TRABD2B: variants seen among roughly 807,000 people sequenced by gnomAD.
TRABD2B encodes metalloprotease TIKI2.
In TRABD2B, 14 loss-of-function variants were observed where a neutral mutation model predicts 40.1. The observed-to-expected ratio is 0.35, with a 90% CI of 0.23 to 0.55. TRABD2B has a LOEUF of 0.55. Among genes scored for constraint, TRABD2B ranks in the 20% least tolerant of loss-of-function variants. The pLI, the probability that TRABD2B is intolerant of heterozygous loss-of-function variation, is 0.90. For synonymous variants in TRABD2B, 263 were observed against 277.0 expected, an observed-to-expected ratio of 0.95 and a Z score of 0.50; for missense variants, 541 against 648.6, an observed-to-expected ratio of 0.83 and a Z score of 1.80.
intron 2 of TRABD2B, among the ~76,000 whole-genome samples, chr1:47,893,532 C>A (rs1040640810): frequency 1.3e-5 from 2 of 152,230 alleles, no homozygotes; most frequent in African/African-American, 4.8e-5. Flanking sequence ...TTAGCCCAGG[C>A]TGGTGTAGGT....
chr1:47,872,413 G>C (rs556296746), intron 2 of TRABD2B, among the ~76,000 whole-genome samples: 9 of 152,294 alleles, frequency 5.9e-5, no homozygotes, highest in Non-Finnish European at 1.2e-4. Flanking sequence ...TTAATGAATG[G>C]AGGAATGGAT....
intron 2 of TRABD2B, among the ~76,000 whole-genome samples, chr1:47,887,758 G>A (rs1644390016): frequency 6.6e-6 from 1 of 152,140 alleles, no homozygotes; most frequent in African/African-American, 2.4e-5. Context: ...TGTAAATCAG[G>A]AGAGGACGGG....
intron 2 of TRABD2B, among the ~76,000 whole-genome samples, chr1:47,972,623 C>T (rs1043866622): frequency 1.3e-5 from 2 of 152,186 alleles, no homozygotes; most frequent in Non-Finnish European, 2.9e-5. Context: ...GGCTTCCTGA[C>T]CTCAGACTTC....
At chr1:47,857,754 T>C (rs894914407) in intron 2 of TRABD2B, among the ~76,000 whole-genome samples, 2 of 152,154 alleles carry the variant, frequency 1.3e-5, no homozygotes, top group Non-Finnish European at 2.9e-5. Context: ...GTCTACTCCC[T>C]GGATGTAGCC....
chr1:47,949,409 T>C (rs1379365099), intron 2 of TRABD2B, among the ~76,000 whole-genome samples: 1 of 138,768 alleles, frequency 7.2e-6, no homozygotes, highest in African/African-American at 2.6e-5. Flanking sequence ...TTCTTTTTTT[T>C]TTTTTTTTTT....
intron 2 of TRABD2B, among the ~76,000 whole-genome samples, chr1:47,879,552 C>T (rs1399144162): frequency 3.9e-5 from 6 of 152,224 alleles, no homozygotes. Flanking sequence ...ATGAAATCAT[C>T]TAACGCGTAT....
At chr1:47,968,508 T>C (rs962507673) in intron 2 of TRABD2B, among the ~76,000 whole-genome samples, 7 of 152,188 alleles carry the variant, frequency 4.6e-5, no homozygotes, top group Non-Finnish European at 1.0e-4. Flanking sequence ...GTCATTCATC[T>C]TGGGCTCAGG....
chr1:47,905,032 C>T lies in TRABD2B; in HGVS notation c.666+89002G>A, dbSNP rs151088015. Among the ~76,000 whole-genome samples, 863 of 152,234 alleles carry T rather than the reference C, an allele frequency of 5.7e-3. 9 individuals are homozygous for T. The highest frequency in any genetic ancestry group is 6.4e-3 in the Non-Finnish European group (436 of 68,030). Reference sequence around the variant, plus strand: ...TCTCTGTGGAGGAAACAAAGGTAGACACAGGCTGAGCCTGCTTTCAGGGAG... The same window carrying T: ...TCTCTGTGGAGGAAACAAAGGTAGATACAGGCTGAGCCTGCTTTCAGGGAG... On this transcript the variant is annotated intron_variant, in intron 2 of 6. Transcript: ENST00000606738.
chr1:47,791,086 G>T (rs1282673997), intron 4 of TRABD2B, among the ~76,000 whole-genome samples: 1 of 152,220 alleles, frequency 6.6e-6, no homozygotes, highest in East Asian at 1.9e-4. Context: ...CCAGACTGCA[G>T]TCAGCACTGG....
chr1:47,934,439 G>T (rs910095927), intron 2 of TRABD2B, among the ~76,000 whole-genome samples: 2 of 152,252 alleles, frequency 1.3e-5, no homozygotes, highest in Non-Finnish European at 2.9e-5. Flanking sequence ...ACTCACAGAC[G>T]TCTGGGGGCA....
At chr1:47,787,658 T>C (rs985052475) in intron 4 of TRABD2B, among the ~76,000 whole-genome samples, 6 of 152,148 alleles carry the variant, frequency 3.9e-5, no homozygotes, top group African/African-American at 1.4e-4. Flanking sequence ...TGTGATGTGG[T>C]TGGACCCCTC....
intron 2 of TRABD2B, among the ~76,000 whole-genome samples, chr1:47,879,828 G>A (rs550783015): frequency 3.9e-5 from 6 of 152,230 alleles, no homozygotes; most frequent in Non-Finnish European, 8.8e-5. Context: ...GGTTGATGCA[G>A]TGTAGGGCTG....
intron 3 of TRABD2B, among the ~76,000 whole-genome samples, chr1:47,798,971 T>C (rs1195063933): frequency 6.6e-6 from 1 of 152,236 alleles, no homozygotes; most frequent in African/African-American, 2.4e-5. Flanking sequence ...CTGTGCATCC[T>C]TGGGGCAGCC....
intron 2 of TRABD2B, among the ~76,000 whole-genome samples, chr1:47,805,145 C>A (rs1644874445): frequency 6.6e-6 from 1 of 152,156 alleles, no homozygotes; most frequent in Non-Finnish European, 1.5e-5. Context: ...GTGGACTCAA[C>A]CCCAACTCTT....
chr1:47,968,731 GTTC>G (rs761631700), intron 2 of TRABD2B, among the ~76,000 whole-genome samples: 11 of 152,148 alleles, frequency 7.2e-5, no homozygotes, highest in South Asian at 4.1e-4. Flanking sequence ...TTTTCACCCT[GTTC>G]TTCTCCTATT....
At position 47,794,592 on chromosome 1, in the gene TRABD2B, C is replaced by T. The variant is rs1644720427; in HGVS notation, c.982G>A (p.Gly328Arg). The T allele has an allele frequency of 6.5e-7, 1 of 1,529,396 alleles. No homozygotes were observed. Among genetic ancestry groups the T allele is most frequent in the Non-Finnish European group, 8.8e-7 (1 of 1,142,046 alleles). 94.7% of individuals were successfully genotyped at this position (1,529,396 alleles called of 1,614,324 possible). A position where few individuals can be genotyped will look rare whatever the true frequency, so the allele number is the denominator to read the frequency against. ...TCCCCACACTGGCCCAAACCTGCTCCGAAGGCAAAGAAGCAGATCTTGTCC... is the reference window on the plus strand; with the variant it reads ...TCCCCACACTGGCCCAAACCTGCTCTGAAGGCAAAGAAGCAGATCTTGTCC... ...NEDKICFFAF[G>R]AGHFLGNNTV... Residue 328 changes from glycine (G) to arginine (R), a missense_variant, in exon 4 of 7, where the codon GGA (glycine) becomes AGA (arginine). Gly to Arg is a moderately radical substitution (Grantham distance 125). This residue lies in a region of TRABD2B where 369 missense variants were observed against 492.8 expected (regional missense o/e 0.75). Coordinates refer to ENST00000606738, the MANE Select transcript of TRABD2B (RefSeq NM_001194986.2).
intron 2 of TRABD2B, among the ~76,000 whole-genome samples, chr1:47,972,961 T>C (rs1385230938): frequency 6.6e-6 from 1 of 152,178 alleles, no homozygotes; most frequent in Non-Finnish European, 1.5e-5. Flanking sequence ...GTGTACTCTT[T>C]ACTGGACATG....
At chr1:47,973,742 A>T (rs1378834905) in intron 2 of TRABD2B, among the ~76,000 whole-genome samples, 3 of 152,206 alleles carry the variant, frequency 2.0e-5, no homozygotes, top group East Asian at 3.9e-4. Context: ...CTGGCCTCCC[A>T]GCTTTCTCTA....
intron 2 of TRABD2B, among the ~76,000 whole-genome samples, chr1:47,851,542 A>G (rs992578052): frequency 1.3e-5 from 2 of 152,104 alleles, no homozygotes; most frequent in African/African-American, 4.8e-5. Context: ...AGAAATTTAG[A>G]TCTTCTTTTG....
Sources: allele counts gnomAD v4.1 joint callset (sites outside exome capture counted in the v4.1 genomes callset), GRCh38; gene constraint gnomAD v4.1.1; regional missense constraint gnomAD v4.1.1; transcripts MANE v1.5; gene names NCBI Gene and HGNC (gene_info 2026-07-23, HGNC 2026-07-21).